COMMD3: variants seen among roughly 807,000 people sequenced by gnomAD.
The protein encoded by COMMD3 is COMM domain-containing protein 3.
COMMD3 carries 31 observed loss-of-function variants against 31.2 expected under a neutral mutation model. That is an observed-to-expected ratio of 0.99 (90% CI 0.75 to 1.34). The LOEUF (loss-of-function observed/expected upper bound fraction) is 1.34, where lower values mean the gene tolerates loss of function less well. COMMD3 is among the 40% of genes most tolerant of loss of function. COMMD3 has a pLI of 0.00. For missense variants in COMMD3, 274 were observed against 236.9 expected (o/e 1.16, Z -1.03); for synonymous variants, 108 against 87.3 (o/e 1.24, Z -1.32).
At chr10:22,319,905 C>T (rs757706560) in intron 7 of COMMD3, 34 bp from the exon 8 acceptor site, 8 of 1,610,366 alleles carry the variant, frequency 5.0e-6, no homozygotes, top group South Asian at 3.3e-5. Context: ...CATGTTTTAT[C>T]CTAAAAACGT....
chr10:22,319,135 A>T, intron 7 of COMMD3, 117 bp downstream of exon 7: 1 of 1,202,964 alleles, frequency 8.3e-7, no homozygotes, highest in South Asian at 1.8e-5. Context: ...GATAATGAAG[A>T]TTGGTTAAGG....
rs1564346009 is a variant in COMMD3 at position 22,318,132 on chromosome 10, C to G, written c.279C>G (p.Asp93Glu). ...LSTYLEDCKF[D>E]RERIELFCTE... ...CTTATCTAGAAGACTGTAAATTTGA[C>G]AGAGAGCGAATAGAACTGTTTTGCA... is the stretch of plus-strand genomic sequence containing the variant. Residue 93 changes from aspartate (D) to glutamate (E), a missense_variant, in exon 3 of 8, where the codon GAC becomes GAG. Transcript: ENST00000376836. 2 of 1,612,828 alleles carry G rather than the reference C, an allele frequency of 1.2e-6. No individual in the cohort carries two copies.
chr10:22,317,979 G>T lies in COMMD3; in HGVS notation c.235G>T (p.Asp79Tyr). Residue 79 changes from aspartate (D) to tyrosine (Y), a missense_variant, in exon 2 of 8, where the codon GAC becomes TAC. Asp to Tyr is a radical substitution (Grantham distance 160, BLOSUM62 -3). Transcript: ENST00000376836. ...ACTAGAGGCAGGAAAGCACCGAGCT[G>T]ACAAGTCAACTCTAAGGTACAGGAT... is the stretch of plus-strand genomic sequence containing the variant. ...YILEAGKHRA[D>Y]KSTLSTYLED... 4.3e-6 allele frequency: 7 copies of T among 1,613,890 alleles called. No homozygotes were observed. The highest frequency in any genetic ancestry group is 5.9e-6 in the Non-Finnish European group (7 of 1,179,924).
In COMMD3 at chr10:22,320,198, A is replaced by G. The variant is rs1835940827; in HGVS notation, c.*200A>G. 7.2e-7 allele frequency: 1 copy of G among 1,393,292 alleles called. No homozygotes were observed. 86.3% of individuals were successfully genotyped at this position (1,393,292 alleles called of 1,614,324 possible). On this transcript the variant is annotated 3_prime_UTR_variant, in exon 8 of 8. Coordinates refer to ENST00000376836, the MANE Select transcript of COMMD3 (RefSeq NM_012071.4). ...GGAAAGATACTGCCCAAGTATTTGAATCGTTTAGTAGTAACTGTCCATTTA... is the reference window on the plus strand; with the variant it reads ...GGAAAGATACTGCCCAAGTATTTGAGTCGTTTAGTAGTAACTGTCCATTTA...
chr10:22,316,759 C>T (rs1835857899), intron 1 of COMMD3: 1 of 864,658 alleles, frequency 1.2e-6, no homozygotes, highest in Non-Finnish European at 1.6e-6. Context: ...CCACTTGGCA[C>T]CTGCATAGAG....
At chr10:22,319,896 A>T in intron 7 of COMMD3, 43 bp from the exon 8 acceptor site, 1 of 1,607,324 alleles carries the variant, frequency 6.2e-7, no homozygotes, top group Non-Finnish European at 8.5e-7. Context: ...ACTTCTTTCC[A>T]TGTTTTATCC....
chr10:22,316,409 G>C lies in COMMD3; in HGVS notation c.-9G>C, dbSNP rs1414035262. 1 of 1,497,602 alleles carries C rather than the reference G, an allele frequency of 6.7e-7. No homozygotes were observed. The highest frequency in any genetic ancestry group is 2.7e-5 in the East Asian group (1 of 36,706). 92.8% of individuals were successfully genotyped at this position (1,497,602 alleles called of 1,614,324 possible). A position where few individuals can be genotyped will look rare whatever the true frequency, so the allele number is the denominator to read the frequency against. On this transcript the variant is annotated 5_prime_UTR_variant, in exon 1 of 8. Coordinates refer to ENST00000376836, the MANE Select transcript of COMMD3 (RefSeq NM_012071.4). ...TGGTGTGCGTGTCGAAGGTCACGGC[G>C]CGCTCACAATGGAGCTCTCGGAGTC...
rs1234063858 is a variant in COMMD3, at chr10:22,316,564, G to C, written c.139+8G>C. ...CGGACGAGGCCGTGTTAGGTAAGCC[G>C]CTCGGCTCGGCTCGGAGCTGGATCC... On this transcript the variant is annotated splice_region_variant and intron_variant, in intron 1 of 7. Coordinates refer to ENST00000376836, the MANE Select transcript of COMMD3 (RefSeq NM_012071.4). 1.3e-6 allele frequency: 2 copies of C among 1,538,908 alleles called. No homozygotes were observed. Among genetic ancestry groups the C allele is most frequent in the Admixed American group, 4.0e-5 (2 of 50,194 alleles).
chr10:22,319,780 T>C (rs1184030963), intron 7 of COMMD3, 159 bp from the exon 8 acceptor site: 3 of 834,116 alleles, frequency 3.6e-6, no homozygotes, highest in African/African-American at 1.7e-5. Context: ...GGAAACGCTT[T>C]TTTTGCCCGA....
At chr10:22,318,227 A>G (rs1256849154) in intron 3 of COMMD3, 45 bp from the exon 4 acceptor site, 2 of 1,589,738 alleles carry the variant, frequency 1.3e-6, no homozygotes, top group African/African-American at 2.7e-5. Flanking sequence ...TTGTTTGTAA[A>G]GATGTTTTTT....
chr10:22,319,862 C>A, intron 7 of COMMD3, 77 bp from the exon 8 acceptor site: 1 of 1,551,826 alleles, frequency 6.4e-7, no homozygotes. Context: ...GATTTTTTTT[C>A]TTGCATCTTT....
At chr10:22,319,071 A>G (rs1308609456) in intron 7 of COMMD3, 53 bp downstream of exon 7, 2 of 1,535,814 alleles carry the variant, frequency 1.3e-6, no homozygotes, top group African/African-American at 2.8e-5. Flanking sequence ...TGTTTACTTG[A>G]GAGTTATACT....
Position 22,317,945 on chromosome 10 carries a change from A to C in COMMD3, c.201A>C (p.Ala67=), listed in dbSNP as rs777913128. 1.2e-6 allele frequency: 2 copies of C among 1,614,076 alleles called. No individual in the cohort carries two copies. The highest frequency in any genetic ancestry group is 1.7e-6 in the Non-Finnish European group (2 of 1,179,944). Residue 67 remains alanine (A), a synonymous_variant, in exon 2 of 8, where the codon GCA becomes GCC. Coordinates refer to ENST00000376836, the MANE Select transcript of COMMD3 (RefSeq NM_012071.4). ...TAAAACATTGTCATGCAGCAGCTGC[A>C]ACTTACATACTAGAGGCAGGAAAGC... is the stretch of plus-strand genomic sequence containing the variant. ...VVLKHCHAAA[A]TYILEAGKHR...
In COMMD3 at chr10:22,320,191, T is replaced by A; in HGVS notation, c.*193T>A. On this transcript the variant is annotated 3_prime_UTR_variant, in exon 8 of 8. Transcript: ENST00000376836. ...TTAAGAGGGAAAGATACTGCCCAAG[T>A]ATTTGAATCGTTTAGTAGTAACTGT... 7.0e-7 allele frequency: 1 copy of A among 1,436,936 alleles called. No individual in the cohort carries two copies. The highest frequency in any genetic ancestry group is 9.3e-7 in the Non-Finnish European group (1 of 1,080,276). 89.0% of individuals were successfully genotyped at this position (1,436,936 alleles called of 1,614,324 possible).
At position 22,318,087 on chromosome 10, in the gene COMMD3, T is replaced by C; in HGVS notation, c.252-18T>C. ...AAAAATGGAGACAGAACTTTGGCTT[T>C]TTTTTTCTTTCTTCTAGCACTTATC... On this transcript the variant is annotated intron_variant, in intron 2 of 7. Transcript: ENST00000376836. 1.2e-6 allele frequency: 2 copies of C among 1,607,380 alleles called. No homozygotes were observed. The highest frequency in any genetic ancestry group is 1.7e-6 in the Non-Finnish European group (2 of 1,178,148).
intron 7 of COMMD3, 102 bp downstream of exon 7, chr10:22,319,120 C>A: frequency 1.5e-6 from 2 of 1,301,098 alleles, no homozygotes; most frequent in South Asian, 3.4e-5. Context: ...AACCATTTGT[C>A]AGCAGATAAT....
intron 1 of COMMD3, 153 bp from the exon 2 acceptor site, chr10:22,317,731 T>C (rs1035753974): frequency 8.0e-6 from 5 of 628,794 alleles, no homozygotes; most frequent in Non-Finnish European, 1.3e-5. Flanking sequence ...TTGATCTTGT[T>C]GCTCATCTCA....
At chr10:22,316,611 G>C in intron 1 of COMMD3, 55 bp downstream of exon 1, 1 of 1,426,458 alleles carries the variant, frequency 7.0e-7, no homozygotes, top group Non-Finnish European at 9.3e-7. Context: ...GGGGCGCTCG[G>C]AGAAGAGGAG....
At chr10:22,319,571 T>A (rs560712700) in intron 7 of COMMD3, 1 of 176,010 alleles carries the variant, frequency 5.7e-6, no homozygotes, top group Admixed American at 5.8e-5. Flanking sequence ...TGAAATTGAA[T>A]TTTTCAAAGG....
Sources: gnomAD v4.1 joint callset for allele counts on GRCh38, gnomAD v4.1.1 for gene constraint, MANE v1.5 for transcripts, NCBI Gene and HGNC (gene_info 2026-07-23, HGNC 2026-07-21) for gene names.